Variants in KIF3A observed in about 807,000 individuals in gnomAD.
KIF3A encodes kinesin family member 3A.
A neutral mutation model predicts 92.6 loss-of-function variants in KIF3A; 27 were observed. That is an observed-to-expected ratio of 0.29 (90% confidence interval 0.21 to 0.40). KIF3A has a LOEUF of 0.40. Ranked by LOEUF, KIF3A falls within the 10% of genes least tolerant of loss-of-function variation. The probability of loss-of-function intolerance (pLI) is 1.00; values close to 1 mark genes in which losing one functional copy is unlikely to be tolerated. For missense variants in KIF3A, 581 were observed against 872.6 expected (o/e 0.67, Z 4.21); for synonymous variants, 250 against 275.4 (o/e 0.91, Z 0.92).
rs1753972665 is a variant in KIF3A at position 132,724,814 on chromosome 5, TATATA to T, written c.510+1309_510+1313del. Among the ~76,000 whole-genome samples the T allele has an allele frequency of 5.7e-3, 78 of 13,722 alleles. 7 individuals are homozygous for T. The highest frequency in any genetic ancestry group is 0.056 in the Middle Eastern group (1 of 18). 9.0% of individuals were successfully genotyped at this position (13,722 alleles called of 152,430 possible). On this transcript the variant is annotated intron_variant, in intron 4 of 18. Coordinates refer to ENST00000403231, the MANE Select transcript of KIF3A (RefSeq NM_001300791.2). ...TAATAAAAAAAAAAAAAAATATATATATATATATATATATATATATATATATATAT... is the reference window on the plus strand; with the variant it reads ...TAATAAAAAAAAAAAAAAATATATATTATATATATATATATATATATATAT...
intron 8 of KIF3A, 79 bp downstream of exon 8, chr5:132,715,678 G>A (rs972019278): frequency 3.7e-6 from 4 of 1,067,266 alleles, no homozygotes; most frequent in Non-Finnish European, 5.4e-6. Context: ...GTTTAATAGA[G>A]GGCTTTTGTT....
chr5:132,715,149 G>C (rs1410695546), intron 8 of KIF3A, among the ~76,000 whole-genome samples: 1 of 152,106 alleles, frequency 6.6e-6, no homozygotes, highest in African/African-American at 2.4e-5. Context: ...TCTGTTTCTC[G>C]CATTAAGGTG....
At chr5:132,727,430 G>T (rs956066436) in intron 2 of KIF3A, among the ~76,000 whole-genome samples, 7 of 152,102 alleles carry the variant, frequency 4.6e-5, no homozygotes, top group African/African-American at 1.7e-4. Flanking sequence ...GGGTCAGGGA[G>T]GACTTTCCAG....
At chr5:132,697,879 C>A (rs190163532) in intron 18 of KIF3A, 1 of 152,184 alleles carries the variant, frequency 6.6e-6, no homozygotes, top group African/African-American at 2.4e-5. Context: ...TTTTCTCCTA[C>A]GCTGGGGACA....
chr5:132,693,405 C>T lies in KIF3A; in HGVS notation c.*3229G>A, dbSNP rs1225446162. Reference sequence around the variant, plus strand: ...TAAACCAATAATTCTACCAATGCTCCTTTTAATAAATAAATATCACTTTTT... The same window carrying T: ...TAAACCAATAATTCTACCAATGCTCTTTTTAATAAATAAATATCACTTTTT... On this transcript the variant is annotated 3_prime_UTR_variant, in exon 19 of 19. Transcript: ENST00000403231. 2.0e-5 allele frequency: 3 copies of T among 152,700 alleles called. No individual in the cohort carries two copies. Among genetic ancestry groups the T allele is most frequent in the African/African-American group, 4.8e-5 (2 of 41,438 alleles). 9.5% of individuals were successfully genotyped at this position (152,700 alleles called of 1,614,324 possible).
chr5:132,700,370 C>CATT, intron 16 of KIF3A, 86 bp from the exon 17 acceptor site: 1 of 827,876 alleles, frequency 1.2e-6, no homozygotes, highest in South Asian at 1.6e-5. Flanking sequence ...GAAATCCTAA[C>CATT]ATTACACTAG....
intron 2 of KIF3A, among the ~76,000 whole-genome samples, chr5:132,730,406 A>T (rs1001391535): frequency 6.6e-6 from 1 of 151,654 alleles, no homozygotes; most frequent in African/African-American, 2.4e-5. Context: ...AGCAGAGGAG[A>T]CAGTGAGCCG....
intron 6 of KIF3A, 148 bp downstream of exon 6, chr5:132,716,697 A>AT (rs1191580894): frequency 1.7e-5 from 16 of 930,276 alleles, no homozygotes; most frequent in Non-Finnish European, 2.6e-5. Context: ...TATACATTTG[A>AT]AATGTTCCAT....
At chr5:132,716,757 C>T in intron 6 of KIF3A, 88 bp downstream of exon 6, 1 of 1,376,776 alleles carries the variant, frequency 7.3e-7, no homozygotes, top group Non-Finnish European at 1.0e-6. Context: ...ATATGTAAAT[C>T]ATACCTTTTC....
chr5:132,716,112 C>T (rs1753612446), intron 7 of KIF3A, 133 bp downstream of exon 7: 3 of 872,622 alleles, frequency 3.4e-6, no homozygotes, highest in Admixed American at 5.2e-5. Context: ...CACGAGTGTA[C>T]CACAAAAAGG....
At chr5:132,707,184 C>G (rs1753241737) in intron 10 of KIF3A, among the ~76,000 whole-genome samples, 1 of 151,058 alleles carries the variant, frequency 6.6e-6, no homozygotes, top group African/African-American at 2.4e-5. Context: ...TATACCTGTA[C>G]AGTAACAAAC....
At chr5:132,727,671 A>G (rs1394511959) in intron 2 of KIF3A, among the ~76,000 whole-genome samples, 2 of 152,324 alleles carry the variant, frequency 1.3e-5, no homozygotes, top group African/African-American at 2.4e-5. Flanking sequence ...TCCTAAAAGC[A>G]ACATGAAGCC....
chr5:132,725,846 A>T (rs1475976186), intron 4 of KIF3A, among the ~76,000 whole-genome samples: 1 of 152,158 alleles, frequency 6.6e-6, no homozygotes, highest in African/African-American at 2.4e-5. Flanking sequence ...ATGCAATCCA[A>T]CTAAAATTCC....
intron 17 of KIF3A, chr5:132,699,515 T>A: frequency 1.7e-6 from 1 of 592,670 alleles, no homozygotes; most frequent in Non-Finnish European, 3.1e-6. Context: ...TCCTTGGACA[T>A]AAAAACTGTT....
At position 132,694,501 on chromosome 5, in the gene KIF3A, G is replaced by T. The variant is rs1044988482; in HGVS notation, c.*2133C>A. On this transcript the variant is annotated 3_prime_UTR_variant, in exon 19 of 19. Coordinates refer to ENST00000403231, the MANE Select transcript of KIF3A (RefSeq NM_001300791.2). ...GATTTATTTTTATTATCATGGTAGGGTGGGATAGAAAAAATATCTAACATA... is the reference window on the plus strand; with the variant it reads ...GATTTATTTTTATTATCATGGTAGGTTGGGATAGAAAAAATATCTAACATA... 2 of 152,216 alleles carry T rather than the reference G, an allele frequency of 1.3e-5. No homozygotes were observed. The highest frequency in any genetic ancestry group is 2.9e-5 in the Non-Finnish European group (2 of 68,030). The allele number at this position is 152,216 out of a possible 1,614,324, so 9.4% of individuals were successfully genotyped here.
rs183427498 is a variant in KIF3A, at chr5:132,701,424, G to A, written c.1884+663C>T. ...AGAGGCATGAGAATCACTTGAACCCGGGAAGTGAAGGTTGCAGGGAGCCGA... is the reference window on the plus strand; with the variant it reads ...AGAGGCATGAGAATCACTTGAACCCAGGAAGTGAAGGTTGCAGGGAGCCGA... On this transcript the variant is annotated intron_variant, in intron 15 of 18. Transcript: ENST00000403231. Among the ~76,000 whole-genome samples, 97 of 150,884 alleles carry A rather than the reference G, an allele frequency of 6.4e-4. 1 individual carries two copies. In the East Asian group the frequency reaches 0.015, roughly 23 times the overall value.
intron 10 of KIF3A, among the ~76,000 whole-genome samples, chr5:132,707,260 C>A (rs1692478022): frequency 6.6e-6 from 1 of 151,788 alleles, no homozygotes; most frequent in Admixed American, 6.6e-5. Context: ...GGAGTCACTG[C>A]CAATTAAGGA....
At chr5:132,711,835 A>G (rs1753438013) in intron 8 of KIF3A, among the ~76,000 whole-genome samples, 2 of 152,212 alleles carry the variant, frequency 1.3e-5, no homozygotes, top group South Asian at 4.1e-4. Context: ...ATATTTTCAA[A>G]AAAAGAAGTG....
intron 11 of KIF3A, among the ~76,000 whole-genome samples, chr5:132,704,418 C>T (rs1370811488): frequency 2.0e-5 from 3 of 151,774 alleles, no homozygotes; most frequent in Non-Finnish European, 4.4e-5. Flanking sequence ...GAAATACTAC[C>T]AAATAATAAA....
Sources: gnomAD v4.1 joint callset for allele counts (sites outside exome capture counted in the v4.1 genomes callset) on GRCh38, gnomAD v4.1.1 for gene constraint, MANE v1.5 for transcripts, NCBI Gene and HGNC (gene_info 2026-07-23, HGNC 2026-07-21) for gene names.